SYTL2: variants seen among roughly 807,000 people sequenced by gnomAD.
The protein encoded by SYTL2 is synaptotagmin-like protein 2.
SYTL2 carries 165 observed loss-of-function variants against 198.7 expected under a neutral mutation model. That is an observed-to-expected ratio of 0.83 (90% CI 0.73 to 0.94). The LOEUF is 0.94. Among genes scored for constraint, SYTL2 ranks in the 40% least tolerant of loss-of-function variants. SYTL2 has a pLI of 0.00. For missense variants in SYTL2, 2,835 were observed against 2,582.8 expected (o/e 1.10, Z -2.12); for synonymous variants, 966 against 917.7 (o/e 1.05, Z -0.95).
chr11:85,854,414 G>T, the SYTL2 span: 2 of 152,030 alleles, frequency 1.3e-5, no homozygotes, highest in Non-Finnish European at 2.9e-5. Context: ...GTACGTGTAG[G>T]ATTTTCTTTT....
chr11:85,731,875 AT>A (rs1432080975), intron 7 of SYTL2, among the ~76,000 whole-genome samples: 4 of 152,188 alleles, frequency 2.6e-5, no homozygotes, highest in African/African-American at 9.6e-5. Flanking sequence ...AGGAACTTAA[AT>A]TTACAAGAAA....
At chr11:85,848,874 T>G in the SYTL2 span, among the ~76,000 whole-genome samples, 18 of 152,168 alleles carry the variant, frequency 1.2e-4, no homozygotes, top group Non-Finnish European at 2.1e-4. Flanking sequence ...CAAACATTAA[T>G]TAGGCAGACG....
Position 85,736,590 on chromosome 11 carries a change from G to A in SYTL2, c.497C>T (p.Ser166Phe), listed in dbSNP as rs2090356750. The A allele has an allele frequency of 6.2e-7, 1 of 1,600,176 alleles. No individual in the cohort carries two copies. The highest frequency in any genetic ancestry group is 8.6e-7 in the Non-Finnish European group (1 of 1,169,414). ...EKQRKNPFNS[S>F]KLPEGHSSQQ... Reference sequence around the variant, plus strand: ...TGATGAGTGACCTTCTGGCAACTTGGAGCTATTAAACGGATTCTTCCTCTG... The same window carrying A: ...TGATGAGTGACCTTCTGGCAACTTGAAGCTATTAAACGGATTCTTCCTCTG... The change falls in exon 6 of 20, where the codon TCC (serine) becomes TTC (phenylalanine). Residue 166 changes from serine to phenylalanine, a missense_variant. Transcript: ENST00000359152.
At chr11:85,708,501 C>T (rs2085621657) in intron 14 of SYTL2, among the ~76,000 whole-genome samples, 1 of 152,090 alleles carries the variant, frequency 6.6e-6, no homozygotes, top group Non-Finnish European at 1.5e-5. Flanking sequence ...TGCAATTAAA[C>T]CTGTGATTTA....
the SYTL2 span, among the ~76,000 whole-genome samples, chr11:85,840,532 A>C: frequency 1.3e-5 from 2 of 152,170 alleles, no homozygotes. Context: ...AAACAGACAA[A>C]CAGACCAATG....
intron 2 of SYTL2, among the ~76,000 whole-genome samples, chr11:85,753,292 G>A (rs568064056): frequency 6.6e-6 from 1 of 152,310 alleles, no homozygotes; most frequent in East Asian, 1.9e-4. Flanking sequence ...AATCCACCCT[G>A]ATGTCTCCTT....
rs2086874290 is a variant in SYTL2, at chr11:85,714,686, T to C, written c.5531-179A>G. 3 of 1,324,632 alleles carry C rather than the reference T, an allele frequency of 2.3e-6. No individual in the cohort carries two copies. In the East Asian group the frequency reaches 8.9e-5, roughly 39 times the overall value. The allele number at this position is 1,324,632 out of a possible 1,614,324, so 82.1% of individuals were successfully genotyped here. ...ATTAGCAACATGCAGTTTTTATAAA[T>C]TATATAGAGAGAGAACTAGCAAGGA... On this transcript the variant is annotated intron_variant, in intron 11 of 19. Coordinates refer to ENST00000359152, the MANE Select transcript of SYTL2 (RefSeq NM_206927.4).
chr11:85,734,474 T>G lies in SYTL2; in HGVS notation c.855A>C (p.Ser285=), dbSNP rs1164968605. 1 of 1,614,112 alleles carries G rather than the reference T, an allele frequency of 6.2e-7. No homozygotes were observed. Among genetic ancestry groups the G allele is most frequent in the Non-Finnish European group, 8.5e-7 (1 of 1,180,032 alleles). Residue 285 remains serine (S), a synonymous_variant, in exon 7 of 20, where the codon TCA becomes TCC. Transcript: ENST00000359152. ...KRNSSSSSTD[S]ETLRYNHNFE... is the part of the protein sequence containing the mutation. Reference sequence around the variant, plus strand: ...AGTTGTGATTATAACGAAGGGTTTCTGAGTCTGTGCTACTGGAACTGGAGT... The same window carrying G: ...AGTTGTGATTATAACGAAGGGTTTCGGAGTCTGTGCTACTGGAACTGGAGT...
In SYTL2 at chr11:85,737,652, T is replaced by C; in HGVS notation, c.394A>G (p.Ser132Gly). ...ACACTGGAAGCTGGATTTACCACAC[T>C]GGAACTGCAAAAGAAACAATAATTC... ...EDAAPASPSS[S>G]VVNPASSVID... is the part of the protein sequence containing the mutation. Residue 132 changes from serine to glycine, a missense_variant, in exon 5 of 20, where the codon AGT becomes GGT. Around this residue, in one of 3 missense-constraint regions of SYTL2, gnomAD observed 2,645 missense variants for 2,381.7 expected, o/e 1.11. Coordinates refer to ENST00000359152, the MANE Select transcript of SYTL2 (RefSeq NM_206927.4). 1 of 1,612,798 alleles carries C rather than the reference T, an allele frequency of 6.2e-7. No homozygotes were observed. Among genetic ancestry groups the C allele is most frequent in the Non-Finnish European group, 8.5e-7 (1 of 1,178,926 alleles).
At chr11:85,843,059 C>G in the SYTL2 span, among the ~76,000 whole-genome samples, 3 of 152,122 alleles carry the variant, frequency 2.0e-5, no homozygotes, top group Non-Finnish European at 4.4e-5. Context: ...TTGTTTAGAT[C>G]TGGAGGTGAG....
chr11:85,715,327 C>A (rs944716016), intron 11 of SYTL2, among the ~76,000 whole-genome samples: 7 of 152,074 alleles, frequency 4.6e-5, no homozygotes, highest in African/African-American at 1.7e-4. Context: ...TGAATCACAG[C>A]TCTTATAATG....
rs184157945 is a variant in SYTL2, at chr11:85,741,749, G to A, written c.389+3888C>T. On this transcript the variant is annotated intron_variant, in intron 4 of 19. Coordinates refer to ENST00000359152, the MANE Select transcript of SYTL2 (RefSeq NM_206927.4). ...CTGGGAGAGGGAAATTAATATCTAC[G>A]AAAGACTTTCAGGAAAAAGAGCATT... 3.0e-4 allele frequency among the ~76,000 whole-genome samples: 46 copies of A among 152,230 alleles called. 1 individual carries two copies. Among genetic ancestry groups the A allele is most frequent in the African/African-American group, 9.9e-4 (41 of 41,540 alleles).
At chr11:85,744,478 T>C (rs977702616) in intron 4 of SYTL2, among the ~76,000 whole-genome samples, 1 of 152,176 alleles carries the variant, frequency 6.6e-6, no homozygotes, top group Non-Finnish European at 1.5e-5. Flanking sequence ...CTGCCATTCA[T>C]GGGAAACAGA....
At chr11:85,718,864 A>C (rs1299034592) in intron 9 of SYTL2, 21 bp from the exon 10 acceptor site, 1 of 1,612,674 alleles carries the variant, frequency 6.2e-7, no homozygotes, top group East Asian at 2.2e-5. Context: ...GAAATTAACA[A>C]ATGGTTAACA....
At chr11:85,699,775 C>T (rs2083976802) in intron 17 of SYTL2, among the ~76,000 whole-genome samples, 1 of 152,180 alleles carries the variant, frequency 6.6e-6, no homozygotes. Flanking sequence ...GGAAATGGAG[C>T]AAGGAGCTGG....
At chr11:85,696,427 G>C (rs1160904208) in intron 18 of SYTL2, 39 bp from the exon 19 acceptor site, 2 of 1,480,752 alleles carry the variant, frequency 1.4e-6, no homozygotes, top group Non-Finnish European at 1.9e-6. Context: ...ATTTTAGTAA[G>C]ATAGTGAACA....
At position 85,724,730 on chromosome 11, in the gene SYTL2, T is replaced by G; in HGVS notation, c.4628A>C (p.His1543Pro). The G allele has an allele frequency of 6.2e-7, 1 of 1,614,046 alleles. No homozygotes were observed. The highest frequency in any genetic ancestry group is 8.5e-7 in the Non-Finnish European group (1 of 1,179,968). ...EEPRRATSECHPEELKETVEK... is the reference protein window; with the variant it reads ...EEPRRATSECPPEELKETVEK... ...TACTGTTTCTTTTAATTCCTCAGGA[T>G]GGCATTCAGAAGTGGCTCGCCTGGG... Residue 1543 changes from histidine to proline, a missense_variant, in exon 8 of 20, where the codon CAT becomes CCT. Physicochemically the swap from His to Pro is moderately conservative, Grantham distance 77. Coordinates refer to ENST00000359152, the MANE Select transcript of SYTL2 (RefSeq NM_206927.4).
the SYTL2 span, among the ~76,000 whole-genome samples, chr11:85,837,287 G>C: frequency 6.6e-6 from 1 of 152,178 alleles, no homozygotes; most frequent in Non-Finnish European, 1.5e-5. Context: ...ATAAGAGTGT[G>C]GCCCAATTCA....
intron 15 of SYTL2, 71 bp from the exon 16 acceptor site, chr11:85,705,099 A>ATTTCTCTTCATCTCT: frequency 7.9e-7 from 1 of 1,265,722 alleles, no homozygotes; most frequent in Non-Finnish European, 1.1e-6. Context: ...ACAGAGATGA[A>ATTTCTCTTCATCTCT]GAGAAATTCA....
Sources: allele counts gnomAD v4.1 joint callset (sites outside exome capture counted in the v4.1 genomes callset), GRCh38; gene constraint gnomAD v4.1.1; regional missense constraint gnomAD v4.1.1; transcripts MANE v1.5; gene names NCBI Gene and HGNC (gene_info 2026-07-23, HGNC 2026-07-21).